Variants in BMPR1B observed in about 807,000 individuals in gnomAD.
BMPR1B encodes the protein bone morphogenetic protein receptor type 1B, also known as bone morphogenetic protein receptor type-1B.
Under a neutral mutation model 59.1 loss-of-function variants are expected in BMPR1B, and 12 were observed. The observed-to-expected ratio is 0.20, with a 90% CI of 0.13 to 0.33. The LOEUF (loss-of-function observed/expected upper bound fraction) is 0.33. Among genes scored for constraint, BMPR1B ranks in the 10% least tolerant of loss-of-function variants. BMPR1B has a pLI of 1.00. For missense variants in BMPR1B, 550 were observed against 610.9 expected (o/e 0.90, Z 1.05); for synonymous variants, 237 against 207.3 (o/e 1.14, Z -1.23).
chr4:95,061,912 T>C (rs761226200), intron 3 of BMPR1B, among the ~76,000 whole-genome samples: 1 of 152,054 alleles, frequency 6.6e-6, no homozygotes, highest in African/African-American at 2.4e-5. Context: ...CCCTTGCTGT[T>C]CTTGTGACAG....
intron 1 of BMPR1B, among the ~76,000 whole-genome samples, chr4:94,827,356 A>G (rs1489886309): frequency 6.6e-6 from 1 of 152,160 alleles, no homozygotes; most frequent in Non-Finnish European, 1.5e-5. Flanking sequence ...GTGTATATAA[A>G]CTTTATTTCT....
chr4:95,150,643 G>T (rs28445598), intron 11 of BMPR1B, among the ~76,000 whole-genome samples: 5,712 of 152,270 alleles, frequency 0.038, 359 homozygotes, highest in African/African-American at 0.13. Flanking sequence ...AAATACAGGA[G>T]AAATTATTCT....
intron 3 of BMPR1B, among the ~76,000 whole-genome samples, chr4:95,079,132 T>C (rs1001709934): frequency 2.0e-5 from 3 of 152,210 alleles, no homozygotes; most frequent in Admixed American, 6.5e-5. Context: ...CCAGCTGTAT[T>C]TTCCCCTTTC....
intron 2 of BMPR1B, among the ~76,000 whole-genome samples, chr4:94,925,122 A>C (rs907090035): frequency 1.3e-5 from 2 of 152,042 alleles, no homozygotes; most frequent in Non-Finnish European, 2.9e-5. Flanking sequence ...GAAATTGGTC[A>C]ATCTCCCTCT....
At chr4:95,125,168 G>C in intron 8 of BMPR1B, 47 bp downstream of exon 8, 1 of 1,608,108 alleles carries the variant, frequency 6.2e-7, no homozygotes, top group African/African-American at 1.3e-5. Context: ...TTTTCTGAAA[G>C]AACTGTCAAT....
chr4:95,114,761 C>T lies in BMPR1B; in HGVS notation c.185C>T (p.Ser62Phe). ...YCFTMIEEDD[S>F]GLPVVTSGCL... ...TTCACGATGATAGAAGAGGATGACT[C>T]TGGGTTGCCTGTGGTCACTTCTGGT... Residue 62 changes from serine (S) to phenylalanine (F), a missense_variant, in exon 5 of 13, where the codon TCT (serine) becomes TTT (phenylalanine). By Grantham distance (155) the Ser-to-Phe change is radical (BLOSUM62 -2). Transcript: ENST00000515059. 6.2e-7 allele frequency: 1 copy of T among 1,613,826 alleles called. No individual in the cohort carries two copies. Among genetic ancestry groups the T allele is most frequent in the Middle Eastern group, 1.7e-4 (1 of 6,058 alleles).
chr4:94,839,327 G>C lies in BMPR1B; in HGVS notation c.-182-36504G>C, dbSNP rs1263037214. Among the ~76,000 whole-genome samples the C allele has an allele frequency of 3.5e-5, 5 of 142,418 alleles. 1 individual carries two copies. Among genetic ancestry groups the C allele is most frequent in the Non-Finnish European group, 7.8e-5 (5 of 64,510 alleles). The allele number at this position is 142,418 out of a possible 152,430, so 93.4% of individuals were successfully genotyped here. A position where few individuals can be genotyped will look rare whatever the true frequency, so the allele number is the denominator to read the frequency against. On this transcript the variant is annotated intron_variant, in intron 1 of 12. Transcript: ENST00000515059. ...TCCTGGGTATCCTTGTTGACTTTCT[G>C]TCTCGTTGATCTGTCTAATGTTGAC...
chr4:94,918,393 C>A (rs944941341), intron 2 of BMPR1B, among the ~76,000 whole-genome samples: 2 of 152,104 alleles, frequency 1.3e-5, no homozygotes, highest in Admixed American at 6.6e-5. Flanking sequence ...AATGCAACTT[C>A]TGGATGGGTG....
intron 1 of BMPR1B, among the ~76,000 whole-genome samples, chr4:94,779,958 C>T (rs987765839): frequency 2.6e-5 from 4 of 151,944 alleles, no homozygotes; most frequent in African/African-American, 9.7e-5. Flanking sequence ...GTAAAAGTTC[C>T]CCCCCTTCCC....
intron 10 of BMPR1B, 49 bp from the exon 11 acceptor site, chr4:95,148,699 T>C: frequency 6.3e-7 from 1 of 1,578,136 alleles, no homozygotes; most frequent in Non-Finnish European, 8.7e-7. Flanking sequence ...TGATTCGTTT[T>C]TGTTGGTCCT....
chr4:94,980,106 G>A (rs2149086397), intron 2 of BMPR1B, among the ~76,000 whole-genome samples: 1 of 152,202 alleles, frequency 6.6e-6, no homozygotes, highest in Non-Finnish European at 1.5e-5. Context: ...CAAATGAATG[G>A]AAAATACCAG....
At chr4:95,104,274 T>C in intron 3 of BMPR1B, 134 bp from the exon 4 acceptor site, 1 of 1,050,874 alleles carries the variant, frequency 9.5e-7, no homozygotes, top group Non-Finnish European at 1.4e-6. Context: ...AATACCAAAA[T>C]GTCTGTTTTT....
At chr4:94,928,616 A>G (rs2149031725) in intron 2 of BMPR1B, among the ~76,000 whole-genome samples, 1 of 151,850 alleles carries the variant, frequency 6.6e-6, no homozygotes, top group Middle Eastern at 3.4e-3. Context: ...ATATAAGAAA[A>G]AATATTATTG....
intron 1 of BMPR1B, among the ~76,000 whole-genome samples, chr4:94,857,303 A>G (rs956868098): frequency 6.6e-6 from 1 of 152,250 alleles, no homozygotes; most frequent in African/African-American, 2.4e-5. Context: ...TACTTTTGAT[A>G]CAAGTTCAGT....
At chr4:95,019,729 G>A (rs1167021494) in intron 3 of BMPR1B, among the ~76,000 whole-genome samples, 2 of 152,138 alleles carry the variant, frequency 1.3e-5, no homozygotes, top group Non-Finnish European at 2.9e-5. Context: ...GGACTCCAGT[G>A]TAAACAAACA....
chr4:94,768,408 C>T (rs1722052100), intron 1 of BMPR1B, among the ~76,000 whole-genome samples: 2 of 152,004 alleles, frequency 1.3e-5, no homozygotes, highest in African/African-American at 2.4e-5. Flanking sequence ...TACCACAATC[C>T]GACTATCAGA....
rs543626965 is a variant in BMPR1B, at chr4:95,091,721, A to G, written c.-17-12687A>G. The G allele has an allele frequency of 3.9e-5, 36 of 927,432 alleles. 1 individual carries two copies. The South Asian group carries it at 1.7e-3, about 45-fold the overall frequency. 57.5% of individuals were successfully genotyped at this position (927,432 alleles called of 1,614,324 possible). On this transcript the variant is annotated intron_variant, in intron 3 of 12. Transcript: ENST00000515059. ...AGATGAGTAAAGCCAATTCTGGCAC[A>G]ATAAAAGCTGTTAGAACTTAGCCTT...
intron 1 of BMPR1B, among the ~76,000 whole-genome samples, chr4:94,795,849 G>A (rs935464130): frequency 1.3e-5 from 2 of 152,120 alleles, no homozygotes; most frequent in Non-Finnish European, 2.9e-5. Flanking sequence ...AAGCAGCCTC[G>A]GACTTTGCTG....
At chr4:94,838,629 G>A (rs1724919024) in intron 1 of BMPR1B, among the ~76,000 whole-genome samples, 2 of 141,494 alleles carry the variant, frequency 1.4e-5, no homozygotes, top group African/African-American at 2.7e-5. Flanking sequence ...TTTTTATTGT[G>A]TCTATTTGAT....
Sources: gnomAD v4.1 joint callset for allele counts (sites outside exome capture counted in the v4.1 genomes callset) on GRCh38, gnomAD v4.1.1 for gene constraint, MANE v1.5 for transcripts, NCBI Gene and HGNC (gene_info 2026-07-23, HGNC 2026-07-21) for gene names.